Variants in GFRA3 observed in about 807,000 individuals in gnomAD.
The protein encoded by GFRA3 is GDNF family receptor alpha 3.
In GFRA3, 24 loss-of-function variants were observed where a neutral mutation model predicts 40.0. The observed-to-expected ratio is 0.60, with a 90% CI of 0.43 to 0.84. GFRA3 has a LOEUF of 0.84. Ranked by LOEUF, GFRA3 falls within the 40% of genes least tolerant of loss-of-function variation. GFRA3 has a pLI of 0.00. For missense variants in GFRA3, 405 were observed against 530.6 expected (o/e 0.76, Z 2.33); for synonymous variants, 203 against 213.5 (o/e 0.95, Z 0.43).
intron 7 of GFRA3, 44 bp downstream of exon 7, chr5:138,253,243 C>G: frequency 7.5e-7 from 1 of 1,327,022 alleles, no homozygotes; most frequent in Non-Finnish European, 1.1e-6. Flanking sequence ...TTTTCCCCAG[C>G]CGGCCCAGTA....
intron 1 of GFRA3, 103 bp downstream of exon 1, chr5:138,274,231 C>T (rs1755916335): frequency 4.7e-6 from 6 of 1,289,464 alleles, no homozygotes; most frequent in Non-Finnish European, 5.9e-6. Flanking sequence ...TCGGATGCAC[C>T]GGGAGGCTGC....
chr5:138,252,783 G>A lies in GFRA3; in HGVS notation c.*185C>T. On this transcript the variant is annotated 3_prime_UTR_variant, in exon 8 of 8. Transcript: ENST00000274721. The stretch of plus-strand genomic sequence containing the variant: ...CAAGGAGGGGCAGCATGAATCAGAA[G>A]TGGAGATGGGGTGGAGGGAATGAGG... The A allele has an allele frequency of 2.0e-6, 1 of 503,442 alleles. No homozygotes were observed. The highest frequency in any genetic ancestry group is 3.6e-6 in the Non-Finnish European group (1 of 275,988). The allele number at this position is 503,442 out of a possible 1,614,324, so 31.2% of individuals were successfully genotyped here. A position where few individuals can be genotyped will look rare whatever the true frequency, so the allele number is the denominator to read the frequency against.
chr5:138,271,866 C>G lies in GFRA3; in HGVS notation c.91+2468G>C, dbSNP rs899977959. Among the ~76,000 whole-genome samples, 52 of 140,508 alleles carry G rather than the reference C, an allele frequency of 3.7e-4. 3 individuals carry two copies. The highest frequency in any genetic ancestry group is 5.5e-4 in the Non-Finnish European group (36 of 65,942). The allele number at this position is 140,508 out of a possible 152,430, so 92.2% of individuals were successfully genotyped here. ...ATGCTGGGATTATAGGCGTGAGCCACCATTCCCGGCAGTATTTTCTTTTCT... is the reference window on the plus strand; with the variant it reads ...ATGCTGGGATTATAGGCGTGAGCCAGCATTCCCGGCAGTATTTTCTTTTCT... On this transcript the variant is annotated intron_variant, in intron 1 of 7. Transcript: ENST00000274721.
In GFRA3 at chr5:138,257,802, C is replaced by T. The variant is rs1200451693; in HGVS notation, c.622G>A (p.Ala208Thr). The stretch of plus-strand genomic sequence containing the variant: ...AGCAGGCCCTGCGCGTGGGGCTCGG[C>T]GGCCTTCTCGAAGAAAGTGAGCAGC... The part of the protein sequence containing the change: ...RQLLTFFEKA[A>T]EPHAQGLLLC... The change falls in exon 4 of 8, where the codon GCC becomes ACC. Residue 208 changes from alanine to threonine, a missense_variant. Ala to Thr is a moderately conservative substitution (Grantham distance 58). Coordinates refer to ENST00000274721, the MANE Select transcript of GFRA3 (RefSeq NM_001496.4). 8.1e-6 allele frequency: 13 copies of T among 1,613,086 alleles called. 1 individual carries two copies. Among genetic ancestry groups the T allele is most frequent in the East Asian group, 2.2e-5 (1 of 44,884 alleles).
intron 1 of GFRA3, among the ~76,000 whole-genome samples, chr5:138,272,183 T>C (rs886979997): frequency 6.6e-6 from 1 of 150,932 alleles, no homozygotes; most frequent in African/African-American, 2.4e-5. Flanking sequence ...TTTTTTCTAT[T>C]TTTTAGTAGC....
intron 1 of GFRA3, chr5:138,267,139 C>T (rs1052502588): frequency 1.1e-5 from 2 of 189,702 alleles, no homozygotes; most frequent in African/African-American, 4.8e-5. Context: ...CTATTCTCAT[C>T]CACCTTATGG....
In GFRA3 at chr5:138,274,391, G is replaced by T. The variant is rs1444815897; in HGVS notation, c.34C>A (p.Pro12Thr). 6 of 1,319,818 alleles carry T rather than the reference G, an allele frequency of 4.5e-6. No individual in the cohort carries two copies. The highest frequency in any genetic ancestry group is 3.1e-5 in the African/African-American group (2 of 65,334). The allele number at this position is 1,319,818 out of a possible 1,614,324, so 81.8% of individuals were successfully genotyped here. The change falls in exon 1 of 8, where the codon CCC becomes ACC. Residue 12 changes from proline to threonine, a missense_variant. Physicochemically the swap from Pro to Thr is conservative, Grantham distance 38. Transcript: ENST00000274721. ...AGCAGCAGCAACATCAGGACTACGG[G>T]CGGCAGCGGTCGCGGGTTCAGGGGG... ...VRPLNPRPLP[P>T]VVLMLLLLLP... is the part of the protein sequence containing the mutation.
chr5:138,253,835 G>A lies in GFRA3; in HGVS notation c.955C>T (p.Arg319Ter), dbSNP rs757530086. The A allele has an allele frequency of 4.3e-6, 7 of 1,613,738 alleles. No homozygotes were observed. The highest frequency in any genetic ancestry group is 1.1e-5 in the South Asian group (1 of 91,074). Residue 319 changes from arginine (R) to a stop codon, truncating the protein, a stop_gained, in exon 6 of 8, where the codon CGA becomes TGA. Coordinates refer to ENST00000274721, the MANE Select transcript of GFRA3 (RefSeq NM_001496.4). LOFTEE classifies it high-confidence loss of function. ...NTSVALSCTCRGSGNLQEECE... is the reference protein window; with the variant it reads ...NTSVALSCTC Reference sequence around the variant, plus strand: ...TCCTCCTGCAGGTTGCCACTGCCTCGGCAGGTGCAGCTTAAGGCAACACTG... The same window carrying A: ...TCCTCCTGCAGGTTGCCACTGCCTCAGCAGGTGCAGCTTAAGGCAACACTG...
rs1755923159 is a variant in GFRA3, at chr5:138,274,502, C to A, written c.-78G>T. On this transcript the variant is annotated 5_prime_UTR_variant, in exon 1 of 8. Transcript: ENST00000274721. ...CTGAGAGCGGGGCTCCCTCGACCGGCACCTCCCGCCCCCGCCTCCCGCCCT... is the reference window on the plus strand; with the variant it reads ...CTGAGAGCGGGGCTCCCTCGACCGGAACCTCCCGCCCCCGCCTCCCGCCCT... The A allele has an allele frequency of 5.6e-6, 7 of 1,241,260 alleles. No homozygotes were observed. The highest frequency in any genetic ancestry group is 7.1e-6 in the Non-Finnish European group (7 of 992,110). The allele number at this position is 1,241,260 out of a possible 1,614,324, so 76.9% of individuals were successfully genotyped here.
In GFRA3 at chr5:138,264,423, T is replaced by A; in HGVS notation, c.217A>T (p.Thr73Ser). The A allele has an allele frequency of 6.2e-7, 1 of 1,613,938 alleles. No homozygotes were observed. Among genetic ancestry groups the A allele is most frequent in the Non-Finnish European group, 8.5e-7 (1 of 1,179,954 alleles). The part of the protein sequence containing the change: ...HLDSCTSSIS[T>S]PLPSEEPSVP... ...GAAGGCTCCTCTGAGGGCAGTGGGGTGCTTATGCTAGAGGTGCAGGAATCC... is the reference window on the plus strand; with the variant it reads ...GAAGGCTCCTCTGAGGGCAGTGGGGAGCTTATGCTAGAGGTGCAGGAATCC... The change falls in exon 2 of 8, where the codon ACC (threonine) becomes TCC (serine). Residue 73 changes from threonine to serine, a missense_variant. By Grantham distance (58) the Thr-to-Ser change is moderately conservative (BLOSUM62 1). Coordinates refer to ENST00000274721, the MANE Select transcript of GFRA3 (RefSeq NM_001496.4).
chr5:138,252,856 G>T lies in GFRA3; in HGVS notation c.*112C>A. On this transcript the variant is annotated 3_prime_UTR_variant, in exon 8 of 8. Transcript: ENST00000274721. Reference sequence around the variant, plus strand: ...GGTCATAACCCTTAGCTTCTCCTGTGCCCTCATCTGCGCACTGCACCTCCT... The same window carrying T: ...GGTCATAACCCTTAGCTTCTCCTGTTCCCTCATCTGCGCACTGCACCTCCT... The T allele has an allele frequency of 1.5e-6, 1 of 645,168 alleles. No individual in the cohort carries two copies. The highest frequency in any genetic ancestry group is 2.8e-6 in the Non-Finnish European group (1 of 352,640). The allele number at this position is 645,168 out of a possible 1,614,324, so 40.0% of individuals were successfully genotyped here.
chr5:138,258,397 G>T (rs975347661), intron 3 of GFRA3, among the ~76,000 whole-genome samples: 10 of 151,828 alleles, frequency 6.6e-5, no homozygotes, highest in Admixed American at 2.6e-4. Context: ...AGCCAGGCTG[G>T]TCTTGAACTC....
At chr5:138,266,333 T>A (rs886114799) in intron 1 of GFRA3, among the ~76,000 whole-genome samples, 1 of 152,192 alleles carries the variant, frequency 6.6e-6, no homozygotes, top group East Asian at 1.9e-4. Flanking sequence ...TGCCAACTCC[T>A]GTTATTTTCC....
At chr5:138,266,406 G>A (rs970772022) in intron 1 of GFRA3, among the ~76,000 whole-genome samples, 1 of 152,074 alleles carries the variant, frequency 6.6e-6, no homozygotes, top group African/African-American at 2.4e-5. Context: ...GCTTTCATTT[G>A]CATTTCCCTA....
Position 138,257,867 on chromosome 5 carries a change from C to T in GFRA3, c.557G>A (p.Cys186Tyr). 6.2e-7 allele frequency: 1 copy of T among 1,613,882 alleles called. No individual in the cohort carries two copies. The highest frequency in any genetic ancestry group is 8.5e-7 in the Non-Finnish European group (1 of 1,179,896). ...GTGGCGCTGGCAGTGGGGCCCGGAGCACGCCTCCCCGTAGGCCTTGCGCAG... is the reference window on the plus strand; with the variant it reads ...GTGGCGCTGGCAGTGGGGCCCGGAGTACGCCTCCCCGTAGGCCTTGCGCAG... ...DRLRKAYGEACSGPHCQRHVC... is the reference protein window; with the variant it reads ...DRLRKAYGEAYSGPHCQRHVC... The change falls in exon 4 of 8, where the codon TGC becomes TAC. Residue 186 changes from cysteine (C) to tyrosine (Y), a missense_variant. By Grantham distance (194) the Cys-to-Tyr change is radical. Transcript: ENST00000274721.
Position 138,272,068 on chromosome 5 carries a change from C to T in GFRA3, c.91+2266G>A, listed in dbSNP as rs1346594544. The stretch of plus-strand genomic sequence containing the variant: ...TCACCCAGGCTGGAGTGCAGTGGCG[C>T]GATCTCAGCTCACTGCAAGCTCCAC... On this transcript the variant is annotated intron_variant, in intron 1 of 7. Transcript: ENST00000274721. Among the ~76,000 whole-genome samples, 8 of 147,772 alleles carry T rather than the reference C, an allele frequency of 5.4e-5. No individual in the cohort carries two copies. The East Asian group carries it at 1.2e-3, about 22-fold the overall frequency.
At position 138,268,284 on chromosome 5, in the gene GFRA3, GAA is replaced by G. The variant is rs60958894; in HGVS notation, c.92-3738_92-3737del. On this transcript the variant is annotated intron_variant, in intron 1 of 7. Coordinates refer to ENST00000274721, the MANE Select transcript of GFRA3 (RefSeq NM_001496.4). ...TGGGCAGCAGGGTGAGACTCCATCT[GAA>G]AAAAAAAAAAAAAAAGAAATCTAAG... Among the ~76,000 whole-genome samples the G allele has an allele frequency of 4.8e-4, 16 of 33,148 alleles. 2 individuals are homozygous for G. Among genetic ancestry groups the G allele is most frequent in the Non-Finnish European group, 6.7e-4 (13 of 19,418 alleles). 21.7% of individuals were successfully genotyped at this position (33,148 alleles called of 152,430 possible).
At position 138,253,749 on chromosome 5, in the gene GFRA3, A is replaced by G. The variant is rs1181824408; in HGVS notation, c.1024+17T>C. ...TGACTCAGCCCCAGGGGCTGGGAGC[A>G]AGTACAGCACACTCACTGAGGCAGG... On this transcript the variant is annotated intron_variant, in intron 6 of 7. Transcript: ENST00000274721. The G allele has an allele frequency of 1.2e-6, 2 of 1,611,446 alleles. No individual in the cohort carries two copies. The highest frequency in any genetic ancestry group is 1.7e-5 in the Admixed American group (1 of 59,884).
rs1755598477 is a variant in GFRA3 at position 138,254,474 on chromosome 5, A to T, written c.786-314T>A. On this transcript the variant is annotated intron_variant, in intron 4 of 7. Coordinates refer to ENST00000274721, the MANE Select transcript of GFRA3 (RefSeq NM_001496.4). ...AGTGCTGGGATTACAGGTATGAGCC[A>T]CTGCACTCGGCCAGAAAAATTTCAA... is the stretch of plus-strand genomic sequence containing the variant. Among the ~76,000 whole-genome samples, 3 of 152,062 alleles carry T rather than the reference A, an allele frequency of 2.0e-5. No individual in the cohort carries two copies. The East Asian group carries it at 5.8e-4, about 29-fold the overall frequency.
Sources: allele counts gnomAD v4.1 joint callset (sites outside exome capture counted in the v4.1 genomes callset), GRCh38; gene constraint gnomAD v4.1.1; transcripts MANE v1.5; gene names NCBI Gene and HGNC (gene_info 2026-07-23, HGNC 2026-07-21).